The following COA7 variants were observed in gnomAD, a reference collection of about 807,000 sequenced individuals.
The protein encoded by COA7 is cytochrome c oxidase assembly factor 7.
A neutral mutation model predicts 21.0 loss-of-function variants in COA7; 12 were observed. The ratio of observed to expected loss-of-function variants is 0.57; its 90% CI spans 0.37 to 0.92. The LOEUF is 0.92. Among genes scored for constraint, COA7 ranks in the 40% least tolerant of loss-of-function variants. COA7 has a pLI of 0.01. For missense variants in COA7, 240 were observed against 286.1 expected (o/e 0.84, Z 1.16); for synonymous variants, 95 against 107.4 (o/e 0.88, Z 0.72).
chr1:52,692,973 T>G, intron 1 of COA7, 106 bp from the exon 2 acceptor site: 3 of 1,192,792 alleles, frequency 2.5e-6, no homozygotes, highest in Admixed American at 1.8e-5. Flanking sequence ...TGATGTCTTT[T>G]AAGACAGCCC....
intron 2 of COA7, among the ~76,000 whole-genome samples, chr1:52,691,987 T>C (rs886936459): frequency 3.3e-5 from 5 of 152,178 alleles, no homozygotes; most frequent in African/African-American, 9.7e-5. Context: ...CCAGACGCCA[T>C]GTCATGAGGA....
chr1:52,687,710 G>A lies in COA7; in HGVS notation c.*10C>T. On this transcript the variant is annotated 3_prime_UTR_variant, in exon 3 of 3. Transcript: ENST00000371538. ...AGCAGTTTGTTGCCTGGGAGGGAGG[G>A]TGGACCACATTACCCAAATGTTAAG... 6.2e-7 allele frequency: 1 copy of A among 1,609,766 alleles called. No individual in the cohort carries two copies. Among genetic ancestry groups the A allele is most frequent in the Non-Finnish European group, 8.5e-7 (1 of 1,176,546 alleles).
rs765171370 is a variant in COA7, at chr1:52,687,686, G to A, written c.*34C>T. Reference sequence around the variant, plus strand: ...CAGAAACAGGAGCTGCCAGCCTCAAGCAGTTTGTTGCCTGGGAGGGAGGGT... The same window carrying A: ...CAGAAACAGGAGCTGCCAGCCTCAAACAGTTTGTTGCCTGGGAGGGAGGGT... On this transcript the variant is annotated 3_prime_UTR_variant, in exon 3 of 3. Transcript: ENST00000371538. 4.4e-6 allele frequency: 7 copies of A among 1,591,290 alleles called. No individual in the cohort carries two copies. Among genetic ancestry groups the A allele is most frequent in the South Asian group, 1.1e-5 (1 of 89,064 alleles).
chr1:52,696,415 G>A (rs1247088872), intron 1 of COA7, among the ~76,000 whole-genome samples: 1 of 151,016 alleles, frequency 6.6e-6, no homozygotes, highest in Admixed American at 6.6e-5. Context: ...CAGGTGATCT[G>A]CCCACCTCAG....
intron 1 of COA7, among the ~76,000 whole-genome samples, chr1:52,693,987 T>A (rs1447142820): frequency 6.6e-6 from 1 of 152,084 alleles, no homozygotes; most frequent in Non-Finnish European, 1.5e-5. Context: ...ATTCAAACAG[T>A]AATAAATGTT....
At position 52,686,636 on chromosome 1, in the gene COA7, G is replaced by T. The variant is rs1644007114; in HGVS notation, c.*1084C>A. The T allele has an allele frequency of 1.3e-5, 2 of 152,112 alleles. No individual in the cohort carries two copies. The highest frequency in any genetic ancestry group is 4.8e-5 in the African/African-American group (2 of 41,376). 9.4% of individuals were successfully genotyped at this position (152,112 alleles called of 1,614,324 possible). ...CTAATTTTTTGTATTTTTTAGTAGA[G>T]ATGGGGTTTCCCCGTGTTAGCCAGG... On this transcript the variant is annotated 3_prime_UTR_variant, in exon 3 of 3. Coordinates refer to ENST00000371538, the MANE Select transcript of COA7 (RefSeq NM_023077.3).
rs146048658 is a variant in COA7 at position 52,691,721 on chromosome 1, G to A, written c.247+1006C>T. ...GAACTCCTGACCTCATGATCCACCCGCCTTGGCCTCCCAAAGTGCTGGGAT... is the reference window on the plus strand; with the variant it reads ...GAACTCCTGACCTCATGATCCACCCACCTTGGCCTCCCAAAGTGCTGGGAT... On this transcript the variant is annotated intron_variant, in intron 2 of 2. Transcript: ENST00000371538. 4.7e-3 allele frequency among the ~76,000 whole-genome samples: 722 copies of A among 152,044 alleles called. 35 individuals are homozygous for A. The East Asian group carries it at 0.12, about 25-fold the overall frequency.
At chr1:52,692,106 T>C (rs1183612059) in intron 2 of COA7, among the ~76,000 whole-genome samples, 1 of 152,196 alleles carries the variant, frequency 6.6e-6, no homozygotes, top group African/African-American at 2.4e-5. Context: ...GTGAGTCATC[T>C]TAGAATTGGA....
chr1:52,690,424 G>C (rs1385867122), intron 2 of COA7, among the ~76,000 whole-genome samples: 1 of 151,202 alleles, frequency 6.6e-6, no homozygotes. Context: ...TGGTTGAATG[G>C]ATACTAGATA....
chr1:52,692,929 G>C, intron 1 of COA7, 62 bp from the exon 2 acceptor site: 1 of 1,584,442 alleles, frequency 6.3e-7, no homozygotes, highest in Middle Eastern at 1.7e-4. Flanking sequence ...GTGGGGACTT[G>C]GGGGTAGGGG....
In COA7 at chr1:52,685,104, C is replaced by T. The variant is rs780901583; in HGVS notation, c.*2616G>A. 3.3e-5 allele frequency: 5 copies of T among 152,166 alleles called. No homozygotes were observed. The highest frequency in any genetic ancestry group is 5.9e-5 in the Non-Finnish European group (4 of 68,030). The allele number at this position is 152,166 out of a possible 1,614,324, so 9.4% of individuals were successfully genotyped here. A position where few individuals can be genotyped will look rare whatever the true frequency, so the allele number is the denominator to read the frequency against. ...ATCCATGTGCTGGTTTTTGTGTGGA[C>T]ATGTTTTCAGTTCCTTCAGGTAAAT... is the stretch of plus-strand genomic sequence containing the variant. On this transcript the variant is annotated 3_prime_UTR_variant, in exon 3 of 3. Coordinates refer to ENST00000371538, the MANE Select transcript of COA7 (RefSeq NM_023077.3).
intron 2 of COA7, among the ~76,000 whole-genome samples, chr1:52,692,116 A>T (rs1644051872): frequency 6.6e-6 from 1 of 152,144 alleles, no homozygotes; most frequent in African/African-American, 2.4e-5. Flanking sequence ...TTAGAATTGG[A>T]AACTCCAACT....
In COA7 at chr1:52,685,008, AT is replaced by A. The variant is rs1643991621; in HGVS notation, c.*2711del. 1 of 152,198 alleles carries A rather than the reference AT, an allele frequency of 6.6e-6. No homozygotes were observed. The highest frequency in any genetic ancestry group is 1.5e-5 in the Non-Finnish European group (1 of 68,046). The allele number at this position is 152,198 out of a possible 1,614,324, so 9.4% of individuals were successfully genotyped here. A position where few individuals can be genotyped will look rare whatever the true frequency, so the allele number is the denominator to read the frequency against. On this transcript the variant is annotated 3_prime_UTR_variant, in exon 3 of 3. Coordinates refer to ENST00000371538, the MANE Select transcript of COA7 (RefSeq NM_023077.3). The stretch of plus-strand genomic sequence containing the variant: ...ATAATGACTACATGCACCACAATTT[AT>A]TTACCCATTTACCTACTGAAAGACA...
At position 52,694,461 on chromosome 1, in the gene COA7, G is replaced by GGAAAAAAA. The variant is rs751466526; in HGVS notation, c.107-1595_107-1594insTTTTTTTC. Among the ~76,000 whole-genome samples, 4 of 65,000 alleles carry GGAAAAAAA rather than the reference G, an allele frequency of 6.2e-5. 1 individual carries two copies. Among genetic ancestry groups the GGAAAAAAA allele is most frequent in the South Asian group, 4.7e-4 (1 of 2,130 alleles). 42.6% of individuals were successfully genotyped at this position (65,000 alleles called of 152,430 possible). A position where few individuals can be genotyped will look rare whatever the true frequency, so the allele number is the denominator to read the frequency against. On this transcript the variant is annotated intron_variant, in intron 1 of 2. Transcript: ENST00000371538. The stretch of plus-strand genomic sequence containing the variant: ...GGCAACAAGAGCAAAACTCCATCTC[G>GGAAAAAAA]AAAAAAAAAAAAAAAAAAAAGCCCA...
chr1:52,687,849 A>G lies in COA7; in HGVS notation c.567T>C (p.Asn189=), dbSNP rs1410960971. The G allele has an allele frequency of 1.9e-6, 3 of 1,614,112 alleles. No individual in the cohort carries two copies. The Admixed American group carries it at 5.0e-5, about 27-fold the overall frequency. Residue 189 remains asparagine (N), a synonymous_variant, in exon 3 of 3, where the codon AAT becomes AAC. Transcript: ENST00000371538. ...CCCCCAGCTTGTACATGCGACTGGC[A>G]TTGGCACAGGCCCAGATATGACCCA... is the stretch of plus-strand genomic sequence containing the variant. ...CDLGHIWACA[N]ASRMYKLGDG...
At chr1:52,691,512 C>T (rs2149904484) in intron 2 of COA7, among the ~76,000 whole-genome samples, 1 of 147,996 alleles carries the variant, frequency 6.8e-6, no homozygotes, top group South Asian at 2.1e-4. Context: ...TGCTCTGTTG[C>T]CCAGGCTGGA....
intron 2 of COA7, among the ~76,000 whole-genome samples, chr1:52,690,927 C>T (rs999514883): frequency 4.0e-5 from 6 of 151,750 alleles, no homozygotes; most frequent in Non-Finnish European, 8.8e-5. Flanking sequence ...GCTAACATGG[C>T]GAAACCCCAT....
At chr1:52,688,268 G>C in intron 2 of COA7, 100 bp from the exon 3 acceptor site, 1 of 938,304 alleles carries the variant, frequency 1.1e-6, no homozygotes, top group Non-Finnish European at 1.6e-6. Context: ...TTTGGAGAAA[G>C]GGTCTTGCTT....
At chr1:52,690,196 T>C (rs1644034617) in intron 2 of COA7, among the ~76,000 whole-genome samples, 1 of 151,970 alleles carries the variant, frequency 6.6e-6, no homozygotes, top group African/African-American at 2.4e-5. Flanking sequence ...CAAATAATTT[T>C]AAGTAGAAGT....
Sources: gnomAD v4.1 joint callset for allele counts (sites outside exome capture counted in the v4.1 genomes callset) on GRCh38, gnomAD v4.1.1 for gene constraint, MANE v1.5 for transcripts, NCBI Gene and HGNC (gene_info 2026-07-23, HGNC 2026-07-21) for gene names.